PBX1: variants seen among roughly 807,000 people sequenced by gnomAD.
PBX1 encodes the protein pre-B-cell leukemia transcription factor 1.
Under a neutral mutation model 53.4 loss-of-function variants are expected in PBX1, and 6 were observed. The ratio of observed to expected loss-of-function variants is 0.11; its 90% CI spans 0.06 to 0.22. The LOEUF (loss-of-function observed/expected upper bound fraction) is 0.22. Among genes scored for constraint, PBX1 ranks in the 10% least tolerant of loss-of-function variants. The pLI is 1.00. For synonymous variants in PBX1, 204 were observed against 212.3 expected, an observed-to-expected ratio of 0.96 and a Z score of 0.34; for missense variants, 251 against 551.4, an observed-to-expected ratio of 0.46 and a Z score of 5.46.
intron 2 of PBX1, among the ~76,000 whole-genome samples, chr1:164,870,297 C>CT (rs1296102092): frequency 2.0e-5 from 1 of 49,690 alleles, no homozygotes; most frequent in African/African-American, 8.9e-5. Context: ...TTCTTTCTTT[C>CT]TTTCTTTCTT....
At position 164,851,602 on chromosome 1, in the gene PBX1, T is replaced by A. The variant is rs1349565909; in HGVS notation, c.*4926T>A. 5.3e-6 allele frequency: 1 copy of A among 186,990 alleles called. No individual in the cohort carries two copies. The highest frequency in any genetic ancestry group is 1.1e-5 in the Non-Finnish European group (1 of 88,452). The allele number at this position is 186,990 out of a possible 1,614,324, so 11.6% of individuals were successfully genotyped here. A position where few individuals can be genotyped will look rare whatever the true frequency, so the allele number is the denominator to read the frequency against. ...GTTGGTTTTATTCTCCCCCTACCCC[T>A]CCCCTTTTCTTATTATTCAGAATAT... On this transcript the variant is annotated 3_prime_UTR_variant, in exon 9 of 9. Coordinates refer to ENST00000420696, the MANE Select transcript of PBX1 (RefSeq NM_002585.4).
intron 2 of PBX1, among the ~76,000 whole-genome samples, chr1:164,685,254 G>C (rs1360047242): frequency 6.6e-6 from 1 of 152,142 alleles, no homozygotes; most frequent in Non-Finnish European, 1.5e-5. Context: ...GTTTCTTGCT[G>C]TCATGGCTAT....
intron 2 of PBX1, among the ~76,000 whole-genome samples, chr1:164,599,004 G>T (rs1342135453): frequency 6.6e-6 from 1 of 150,992 alleles, no homozygotes; most frequent in Non-Finnish European, 1.5e-5. Context: ...GACCAACCCC[G>T]CCCTGCTGAT....
intron 2 of PBX1, among the ~76,000 whole-genome samples, chr1:164,748,206 A>T (rs951299516): frequency 6.6e-6 from 1 of 152,224 alleles, no homozygotes; most frequent in Admixed American, 6.5e-5. Flanking sequence ...AAGAAAGATC[A>T]TGTCACACCA....
At chr1:164,766,298 T>C (rs1009517904) in intron 2 of PBX1, among the ~76,000 whole-genome samples, 1 of 152,216 alleles carries the variant, frequency 6.6e-6, no homozygotes, top group African/African-American at 2.4e-5. Flanking sequence ...TGTAGAAACA[T>C]AAAGTGTCAT....
At chr1:164,567,669 A>G (rs1160190078) in intron 2 of PBX1, among the ~76,000 whole-genome samples, 1 of 152,204 alleles carries the variant, frequency 6.6e-6, no homozygotes, top group Non-Finnish European at 1.5e-5. Flanking sequence ...GTAATGAGAA[A>G]TGACTTTTCT....
chr1:164,597,274 G>A (rs377278093), intron 2 of PBX1, among the ~76,000 whole-genome samples: 11 of 152,306 alleles, frequency 7.2e-5, no homozygotes, highest in African/African-American at 2.4e-4. Flanking sequence ...GCCCCTCAGG[G>A]CCTTCTAAGA....
downstream of PBX1, among the ~76,000 whole-genome samples, chr1:164,851,989 C>T (rs1421211073): frequency 6.6e-6 from 1 of 152,138 alleles, no homozygotes; most frequent in African/African-American, 2.4e-5. Flanking sequence ...GGACCACCTT[C>T]TTCACTCAGG....
chr1:164,873,600 T>C (rs780204424), intron 2 of PBX1, among the ~76,000 whole-genome samples: 1 of 152,148 alleles, frequency 6.6e-6, no homozygotes, highest in Non-Finnish European at 1.5e-5. Flanking sequence ...AGCTGGGAGA[T>C]GGGGGGCAGG....
intron 2 of PBX1, among the ~76,000 whole-genome samples, chr1:164,753,069 G>A (rs190261439): frequency 2.7e-4 from 41 of 152,272 alleles, no homozygotes; most frequent in African/African-American, 8.4e-4. Flanking sequence ...TTCCAGCAAC[G>A]GGGCTGTTGG....
chr1:164,677,391 C>G (rs1228198192), intron 2 of PBX1, among the ~76,000 whole-genome samples: 2 of 152,004 alleles, frequency 1.3e-5, no homozygotes, highest in Non-Finnish European at 2.9e-5. Flanking sequence ...CGCGCCCGGC[C>G]TTACTGCTTG....
chr1:164,748,244 T>C (rs1269213055), intron 2 of PBX1, among the ~76,000 whole-genome samples: 1 of 152,048 alleles, frequency 6.6e-6, no homozygotes, highest in Non-Finnish European at 1.5e-5. Context: ...ATACAAAAGG[T>C]GTGTGTGTCT....
chr1:164,724,670 A>ATTTTTTTT lies in PBX1; in HGVS notation c.266-67792_266-67785dup, dbSNP rs59042806. Among the ~76,000 whole-genome samples, 20 of 48,238 alleles carry ATTTTTTTT rather than the reference A, an allele frequency of 4.1e-4. 3 individuals are homozygous for ATTTTTTTT. Among genetic ancestry groups the ATTTTTTTT allele is most frequent in the East Asian group, 1.6e-3 (3 of 1,906 alleles). 31.6% of individuals were successfully genotyped at this position (48,238 alleles called of 152,430 possible). The stretch of plus-strand genomic sequence containing the variant: ...CAGATGCCCATTGCAATAGCTGCAG[A>ATTTTTTTT]TTTTTTTTTTTTTTTTTTTTTTTTT... On this transcript the variant is annotated intron_variant, in intron 2 of 8. Coordinates refer to ENST00000420696, the MANE Select transcript of PBX1 (RefSeq NM_002585.4).
chr1:164,781,901 A>G (rs1033163318), intron 2 of PBX1, among the ~76,000 whole-genome samples: 5 of 151,662 alleles, frequency 3.3e-5, no homozygotes, highest in African/African-American at 1.2e-4. Context: ...TCTCTGTAAT[A>G]CTCTACATGA....
chr1:164,642,211 T>A (rs953563932), intron 2 of PBX1: 2 of 152,220 alleles, frequency 1.3e-5, no homozygotes, highest in Admixed American at 1.3e-4. Flanking sequence ...TGCAGTTTGT[T>A]GTGACCCCGT....
chr1:164,676,823 G>A (rs1661458815), intron 2 of PBX1, among the ~76,000 whole-genome samples: 2 of 152,150 alleles, frequency 1.3e-5, no homozygotes, highest in Non-Finnish European at 2.9e-5. Flanking sequence ...GGGGGCTCAG[G>A]TCTGCTTTTA....
chr1:164,616,121 A>C (rs1017897786), intron 2 of PBX1, among the ~76,000 whole-genome samples: 4 of 152,046 alleles, frequency 2.6e-5, no homozygotes, highest in African/African-American at 9.7e-5. Context: ...CTCTCTCTCC[A>C]CCTCTGGAGT....
intron 2 of PBX1, among the ~76,000 whole-genome samples, chr1:164,728,484 T>A (rs1432105621): frequency 1.3e-5 from 2 of 152,208 alleles, no homozygotes; most frequent in Admixed American, 1.3e-4. Flanking sequence ...TCCAAAAGGA[T>A]AGAAGTAATT....
At position 164,691,022 on chromosome 1, in the gene PBX1, T is replaced by TTC. The variant is rs1349447838; in HGVS notation, c.266-101471_266-101470insCT. The stretch of plus-strand genomic sequence containing the variant: ...AAGAGTTGTTAAATCTTTTTTTTTT[T>TTC]TTTTTTTTTTGTGACAGAGTCTCCC... On this transcript the variant is annotated intron_variant, in intron 2 of 8. Coordinates refer to ENST00000420696, the MANE Select transcript of PBX1 (RefSeq NM_002585.4). Among the ~76,000 whole-genome samples, 244 of 149,032 alleles carry TTC rather than the reference T, an allele frequency of 1.6e-3. 3 individuals carry two copies. The highest frequency in any genetic ancestry group is 1.5e-3 in the Non-Finnish European group (99 of 67,074).
Sources: allele counts gnomAD v4.1 joint callset (sites outside exome capture counted in the v4.1 genomes callset), GRCh38; gene constraint gnomAD v4.1.1; transcripts MANE v1.5; gene names NCBI Gene and HGNC (gene_info 2026-07-23, HGNC 2026-07-21).